Variants in KCNIP4 observed in about 807,000 individuals in gnomAD.
KCNIP4 encodes potassium voltage-gated channel interacting protein 4, also known as Kv channel-interacting protein 4.
Under a neutral mutation model 34.0 loss-of-function variants are expected in KCNIP4, and 12 were observed. That is an observed-to-expected ratio of 0.35 (90% CI 0.23 to 0.57). The LOEUF is 0.57. Ranked by LOEUF, KCNIP4 falls within the 20% of genes least tolerant of loss-of-function variation. The pLI, the probability that KCNIP4 is intolerant of heterozygous loss-of-function variation, is 0.83. For missense variants in KCNIP4, 238 were observed against 311.7 expected (o/e 0.76, Z 1.78); for synonymous variants, 124 against 102.2 (o/e 1.21, Z -1.29).
chr4:20,817,640 T>G (rs1040864369), intron 3 of KCNIP4, among the ~76,000 whole-genome samples: 3 of 152,126 alleles, frequency 2.0e-5, no homozygotes, highest in African/African-American at 7.2e-5. Flanking sequence ...TTACCTTTTT[T>G]TTTTCTTTTC....
chr4:21,193,396 G>A (rs1310086499), intron 1 of KCNIP4, among the ~76,000 whole-genome samples: 1 of 151,900 alleles, frequency 6.6e-6, no homozygotes, highest in Non-Finnish European at 1.5e-5. Flanking sequence ...CTTGCTAGCT[G>A]GCACAGTGTT....
At chr4:21,332,345 C>G (rs1047042449) in intron 1 of KCNIP4, among the ~76,000 whole-genome samples, 2 of 151,648 alleles carry the variant, frequency 1.3e-5, no homozygotes, top group African/African-American at 4.8e-5. Flanking sequence ...TTGCCTATGC[C>G]CATTACTATT....
At chr4:20,907,778 C>T (rs1727916569) in intron 1 of KCNIP4, among the ~76,000 whole-genome samples, 1 of 151,982 alleles carries the variant, frequency 6.6e-6, no homozygotes, top group East Asian at 1.9e-4. Context: ...AGTGCAGTGG[C>T]GCGATCTCGG....
At chr4:21,475,220 T>C (rs1427450459) in intron 1 of KCNIP4, among the ~76,000 whole-genome samples, 2 of 152,300 alleles carry the variant, frequency 1.3e-5, no homozygotes, top group South Asian at 2.1e-4. Flanking sequence ...TCTACTTTTA[T>C]GTAAATCAGC....
chr4:21,538,935 G>C (rs542486479), intron 1 of KCNIP4, among the ~76,000 whole-genome samples: 1 of 152,164 alleles, frequency 6.6e-6, no homozygotes, highest in South Asian at 2.1e-4. Flanking sequence ...TCAAGGGAGA[G>C]ACCTGGTGGG....
chr4:21,870,010 A>C (rs1260708627), intron 1 of KCNIP4, among the ~76,000 whole-genome samples: 1 of 152,178 alleles, frequency 6.6e-6, no homozygotes, highest in Non-Finnish European at 1.5e-5. Context: ...TGGCTGGATC[A>C]CATCCCAGGA....
chr4:21,293,031 C>G (rs188684776), intron 1 of KCNIP4, among the ~76,000 whole-genome samples: 5 of 152,266 alleles, frequency 3.3e-5, no homozygotes, highest in Admixed American at 6.5e-5. Flanking sequence ...TCAGGACAAA[C>G]AGTTTTAGGG....
chr4:21,883,495 T>C (rs1726581086), intron 1 of KCNIP4, among the ~76,000 whole-genome samples: 2 of 152,016 alleles, frequency 1.3e-5, no homozygotes, highest in Admixed American at 6.6e-5. Flanking sequence ...CTGATAAAGG[T>C]ATATTAATAT....
chr4:21,901,365 A>G (rs907790), intron 1 of KCNIP4, among the ~76,000 whole-genome samples: 90,522 of 152,170 alleles, frequency 0.59, 29,560 homozygotes, highest in Admixed American at 0.75. Context: ...TCGTGCTTAC[A>G]CCTGAGGGGC....
At position 21,510,566 on chromosome 4, in the gene KCNIP4, G is replaced by A. The variant is rs965263313; in HGVS notation, c.61+438005C>T. Among the ~76,000 whole-genome samples, 3 of 151,996 alleles carry A rather than the reference G, an allele frequency of 2.0e-5. No homozygotes were observed. In the South Asian group the frequency reaches 6.2e-4, roughly 32 times the overall value. ...TCTGATAACACAATGGAATAATGTG[G>A]GTTCTAGTTTTATCCAAATTCTGCC... On this transcript the variant is annotated intron_variant, in intron 1 of 8. Transcript: ENST00000382152.
intron 4 of KCNIP4, among the ~76,000 whole-genome samples, chr4:20,750,215 A>G (rs1394072913): frequency 6.6e-6 from 1 of 152,178 alleles, no homozygotes. Context: ...GAAGGTGAAA[A>G]ACATACCCAA....
rs113822999 is a variant in KCNIP4, at chr4:21,011,577, C to A, written c.62-128868G>T. ...AATTTATAGAAAATGTTCACAGGAA[C>A]CAGATCACAGGGCACATATGTGACT... is the stretch of plus-strand genomic sequence containing the variant. On this transcript the variant is annotated intron_variant, in intron 1 of 8. Transcript: ENST00000382152. Among the ~76,000 whole-genome samples the A allele has an allele frequency of 7.4e-3, 1,132 of 152,250 alleles. 14 individuals are homozygous for A. Among genetic ancestry groups the A allele is most frequent in the African/African-American group, 0.025 (1,038 of 41,538 alleles).
At chr4:21,285,263 T>A (rs1482281256) in intron 1 of KCNIP4, among the ~76,000 whole-genome samples, 1 of 152,134 alleles carries the variant, frequency 6.6e-6, no homozygotes, top group Non-Finnish European at 1.5e-5. Flanking sequence ...TCTCCCAAAA[T>A]TTTAAATATT....
intron 1 of KCNIP4, among the ~76,000 whole-genome samples, chr4:21,123,164 A>G (rs1750315319): frequency 6.6e-6 from 1 of 152,132 alleles, no homozygotes; most frequent in Non-Finnish European, 1.5e-5. Flanking sequence ...CAGTGAGCCA[A>G]GATCGTGCCA....
At chr4:21,100,211 G>A (rs1399030157) in intron 1 of KCNIP4, among the ~76,000 whole-genome samples, 2 of 152,144 alleles carry the variant, frequency 1.3e-5, no homozygotes. Flanking sequence ...AAATCTTTTG[G>A]GAAAGAGTCA....
Position 20,916,955 on chromosome 4 carries a change from T to C in KCNIP4, c.62-34246A>G, listed in dbSNP as rs377694536. Among the ~76,000 whole-genome samples the C allele has an allele frequency of 1.2e-4, 16 of 133,396 alleles. No homozygotes were observed. The East Asian group carries it at 3.7e-3, about 31-fold the overall frequency. The allele number at this position is 133,396 out of a possible 152,430, so 87.5% of individuals were successfully genotyped here. A position where few individuals can be genotyped will look rare whatever the true frequency, so the allele number is the denominator to read the frequency against. ...TTTCCCTTTCATATTTTTTCCTTTTTTGGTTCTTCCACCATTGACCATCTT... is the reference window on the plus strand; with the variant it reads ...TTTCCCTTTCATATTTTTTCCTTTTCTGGTTCTTCCACCATTGACCATCTT... On this transcript the variant is annotated intron_variant, in intron 1 of 8. Coordinates refer to ENST00000382152, the MANE Select transcript of KCNIP4 (RefSeq NM_025221.6).
intron 1 of KCNIP4, among the ~76,000 whole-genome samples, chr4:21,021,183 A>G (rs1376893238): frequency 6.6e-6 from 1 of 152,202 alleles, no homozygotes; most frequent in African/African-American, 2.4e-5. Flanking sequence ...ATTTTAACAT[A>G]CCTGAACATA....
intron 1 of KCNIP4, among the ~76,000 whole-genome samples, chr4:20,939,850 T>A (rs1349799908): frequency 6.6e-6 from 1 of 152,208 alleles, no homozygotes; most frequent in Admixed American, 6.5e-5. Flanking sequence ...TAGAATCTGA[T>A]GTTTTCCACT....
chr4:21,190,303 T>C (rs1195100824), intron 1 of KCNIP4, among the ~76,000 whole-genome samples: 1 of 152,126 alleles, frequency 6.6e-6, no homozygotes, highest in Non-Finnish European at 1.5e-5. Context: ...TTCGTTAGTA[T>C]TGGTTAGTAT....
Sources: allele counts gnomAD v4.1 joint callset (sites outside exome capture counted in the v4.1 genomes callset), GRCh38; gene constraint gnomAD v4.1.1; transcripts MANE v1.5; gene names NCBI Gene and HGNC (gene_info 2026-07-23, HGNC 2026-07-21).